Variants in DACH1 observed in about 807,000 individuals in gnomAD.
DACH1 encodes the protein dachshund family transcription factor 1, also known as dachshund homolog 1.
In DACH1, 12 loss-of-function variants were observed where a neutral mutation model predicts 54.2. That is an observed-to-expected ratio of 0.22 (90% CI 0.14 to 0.36). The LOEUF is 0.36. Among genes scored for constraint, DACH1 ranks in the 10% least tolerant of loss-of-function variants. The probability of loss-of-function intolerance (pLI) is 1.00; values close to 1 mark genes in which losing one functional copy is unlikely to be tolerated. For synonymous variants in DACH1, 386 were observed against 366.2 expected, an observed-to-expected ratio of 1.05 and a Z score of -0.62; for missense variants, 805 against 929.8, an observed-to-expected ratio of 0.87 and a Z score of 1.75.
chr13:71,536,175 A>C (rs1882782497), intron 6 of DACH1, among the ~76,000 whole-genome samples: 1 of 150,808 alleles, frequency 6.6e-6, no homozygotes, highest in African/African-American at 2.5e-5. Context: ...AGAACAATTA[A>C]ATCTAATTTA....
chr13:71,667,313 C>G (rs912101690), intron 2 of DACH1, among the ~76,000 whole-genome samples: 1 of 152,188 alleles, frequency 6.6e-6, no homozygotes, highest in Non-Finnish European at 1.5e-5. Flanking sequence ...CTCTGGAATT[C>G]AGGCCAAGAT....
At position 71,715,782 on chromosome 13, in the gene DACH1, TA is replaced by T. The variant is rs912839233; in HGVS notation, c.849-33873del. Among the ~76,000 whole-genome samples, 1,172 of 150,646 alleles carry T rather than the reference TA, an allele frequency of 7.8e-3. 21 individuals carry two copies. The highest frequency in any genetic ancestry group is 0.026 in the African/African-American group (1,089 of 41,190). ...AATAATTTTCTTCAGTTGTTTCTCC[TA>T]AAAAAAAATAACAAAAACTCTGGAG... On this transcript the variant is annotated intron_variant, in intron 1 of 10. Transcript: ENST00000613252.
intron 2 of DACH1, among the ~76,000 whole-genome samples, chr13:71,647,609 G>A (rs982380087): frequency 6.6e-6 from 1 of 152,108 alleles, no homozygotes; most frequent in Admixed American, 6.5e-5. Flanking sequence ...ACCAATCATA[G>A]GCAAAGAGAA....
At chr13:71,498,665 A>AG (rs1436695920) in intron 6 of DACH1, among the ~76,000 whole-genome samples, 1 of 34,510 alleles carries the variant, frequency 2.9e-5, no homozygotes, top group Non-Finnish European at 1.5e-4. Flanking sequence ...AAGAAAAAAA[A>AG]AAAAAACCAC....
chr13:71,691,282 G>C (rs1237076204), intron 1 of DACH1, among the ~76,000 whole-genome samples: 1 of 152,092 alleles, frequency 6.6e-6, no homozygotes, highest in African/African-American at 2.4e-5. Flanking sequence ...TTTTCCAAAT[G>C]TTTTTGTTTT....
chr13:71,497,691 T>A (rs1035926143), intron 6 of DACH1, among the ~76,000 whole-genome samples: 33 of 152,242 alleles, frequency 2.2e-4, no homozygotes, highest in African/African-American at 7.9e-4. Context: ...AGATGTATAA[T>A]GTTGATGAAA....
intron 10 of DACH1, among the ~76,000 whole-genome samples, chr13:71,460,044 C>T (rs1405470705): frequency 5.9e-5 from 9 of 151,924 alleles, no homozygotes; most frequent in Admixed American, 5.9e-4. Context: ...AAATAAATGT[C>T]TATGCTCTAA....
intron 10 of DACH1, among the ~76,000 whole-genome samples, chr13:71,455,940 A>G (rs1471315096): frequency 6.6e-6 from 1 of 152,168 alleles, no homozygotes; most frequent in Non-Finnish European, 1.5e-5. Context: ...ACTGGTCACA[A>G]ACAATAACAA....
At chr13:71,651,886 TTATATC>T (rs1878714118) in intron 2 of DACH1, among the ~76,000 whole-genome samples, 1 of 152,144 alleles carries the variant, frequency 6.6e-6, no homozygotes, top group Non-Finnish European at 1.5e-5. Flanking sequence ...TTCAGAAAGA[TTATATC>T]TATAATGTAT....
chr13:71,533,330 C>T (rs1178478184), intron 6 of DACH1, among the ~76,000 whole-genome samples: 2 of 151,750 alleles, frequency 1.3e-5, no homozygotes, highest in Non-Finnish European at 2.9e-5. Context: ...ATAAGTAATT[C>T]CTCGTATTTT....
chr13:71,471,330 C>T (rs551400448), intron 10 of DACH1, among the ~76,000 whole-genome samples: 2 of 151,890 alleles, frequency 1.3e-5, no homozygotes, highest in Admixed American at 6.6e-5. Context: ...GGAGAGGATA[C>T]ATACCGTTTT....
rs543308586 is a variant in DACH1, at chr13:71,801,984, G to A, written c.848+63938C>T. On this transcript the variant is annotated intron_variant, in intron 1 of 10. Coordinates refer to ENST00000613252, the MANE Select transcript of DACH1 (RefSeq NM_080759.6). Reference sequence around the variant, plus strand: ...TTGAGCGCACCCTGTCCATCTGTCAGAGAGAAACAAAAGCCGAGGAGCTCC... The same window carrying A: ...TTGAGCGCACCCTGTCCATCTGTCAAAGAGAAACAAAAGCCGAGGAGCTCC... 2.6e-5 allele frequency among the ~76,000 whole-genome samples: 4 copies of A among 152,232 alleles called. No individual in the cohort carries two copies. The South Asian group carries it at 8.3e-4, about 32-fold the overall frequency.
At chr13:71,592,711 G>A (rs1432129029) in intron 3 of DACH1, among the ~76,000 whole-genome samples, 1 of 151,896 alleles carries the variant, frequency 6.6e-6, no homozygotes, top group African/African-American at 2.4e-5. Flanking sequence ...ATTTGAAACT[G>A]ATATTAAAAT....
At chr13:71,443,756 T>C (rs938880668) in intron 10 of DACH1, among the ~76,000 whole-genome samples, 1 of 152,172 alleles carries the variant, frequency 6.6e-6, no homozygotes, top group African/African-American at 2.4e-5. Context: ...TCATTTCTGA[T>C]TGATACTAAA....
chr13:71,478,044 C>T (rs555902979), intron 8 of DACH1, among the ~76,000 whole-genome samples: 2 of 152,188 alleles, frequency 1.3e-5, no homozygotes, highest in Non-Finnish European at 1.5e-5. Flanking sequence ...TAGGAATCCC[C>T]GGGCCTGCTT....
At chr13:71,736,180 T>C (rs1884109250) in intron 1 of DACH1, among the ~76,000 whole-genome samples, 1 of 152,162 alleles carries the variant, frequency 6.6e-6, no homozygotes, top group South Asian at 2.1e-4. Context: ...TTGTTCAAAG[T>C]GACCAAAGAG....
At chr13:71,835,365 T>C (rs1888744802) in intron 1 of DACH1, among the ~76,000 whole-genome samples, 1 of 152,032 alleles carries the variant, frequency 6.6e-6, no homozygotes, top group South Asian at 2.1e-4. Context: ...TAAAATGAGC[T>C]TTCAATCAAT....
At chr13:71,766,646 T>G (rs1477943344) in intron 1 of DACH1, among the ~76,000 whole-genome samples, 1 of 152,118 alleles carries the variant, frequency 6.6e-6, no homozygotes, top group African/African-American at 2.4e-5. Context: ...GTAAAATAAA[T>G]AATTGAATAA....
chr13:71,503,232 T>C (rs913212709), intron 6 of DACH1, among the ~76,000 whole-genome samples: 3 of 152,198 alleles, frequency 2.0e-5, no homozygotes, highest in Non-Finnish European at 2.9e-5. Context: ...TTTACAGGTT[T>C]ATTTCTGTCT....
Sources: allele counts gnomAD v4.1 joint callset (sites outside exome capture counted in the v4.1 genomes callset), GRCh38; gene constraint gnomAD v4.1.1; transcripts MANE v1.5; gene names NCBI Gene and HGNC (gene_info 2026-07-23, HGNC 2026-07-21).